Variants in ERCC8 observed in about 807,000 individuals in gnomAD.
The protein encoded by ERCC8 is ERCC excision repair 8, CSA ubiquitin ligase complex subunit.
ERCC8 carries 52 observed loss-of-function variants against 54.9 expected under a neutral mutation model. The observed-to-expected ratio is 0.95, with a 90% confidence interval of 0.76 to 1.19. The LOEUF (loss-of-function observed/expected upper bound fraction) is 1.19, where lower values mean the gene tolerates loss of function less well. Among genes scored for constraint, ERCC8 ranks in the 50% most tolerant of loss-of-function variants. The pLI, the probability that ERCC8 is intolerant of heterozygous loss-of-function variation, is 0.00. For synonymous variants in ERCC8, 146 were observed against 157.2 expected (o/e 0.93, Z 0.53); for missense variants, 514 against 466.1 (o/e 1.10, Z -0.95).
At chr5:60,941,016 T>C (rs1041452877) in intron 1 of ERCC8, among the ~76,000 whole-genome samples, 2 of 152,152 alleles carry the variant, frequency 1.3e-5, no homozygotes, top group South Asian at 4.1e-4. Context: ...CATTGTAAAA[T>C]GCTTGAACTT....
intron 4 of ERCC8, among the ~76,000 whole-genome samples, chr5:60,906,739 A>AAATG (rs1279350570): frequency 2.7e-5 from 4 of 150,030 alleles, no homozygotes; most frequent in Admixed American, 6.6e-5. Context: ...AAAAATAAAT[A>AAATG]AATAAATAAA....
chr5:60,930,656 G>A (rs1314749479), intron 1 of ERCC8, among the ~76,000 whole-genome samples: 1 of 152,176 alleles, frequency 6.6e-6, no homozygotes, highest in African/African-American at 2.4e-5. Flanking sequence ...AACCCAGGAG[G>A]CAGAGGTTGC....
At chr5:60,913,835 T>A (rs1311890195) in intron 4 of ERCC8, among the ~76,000 whole-genome samples, 1 of 152,158 alleles carries the variant, frequency 6.6e-6, no homozygotes, top group Non-Finnish European at 1.5e-5. Flanking sequence ...TATTTCTGCC[T>A]TCATTTCGTT....
chr5:60,902,052 G>A (rs376931655), intron 7 of ERCC8, among the ~76,000 whole-genome samples: 4 of 152,024 alleles, frequency 2.6e-5, no homozygotes, highest in African/African-American at 9.7e-5. Flanking sequence ...TGCTTGGCAC[G>A]TGGGAGGAAG....
intron 9 of ERCC8, chr5:60,892,905 A>C: frequency 1.4e-6 from 1 of 733,646 alleles, no homozygotes; most frequent in South Asian, 1.5e-5. Flanking sequence ...TACAATGTCC[A>C]TATGGATGTG....
intron 8 of ERCC8, among the ~76,000 whole-genome samples, 156 bp from the exon 9 acceptor site, chr5:60,898,556 G>GCTATACAAATCA (rs1217426118): frequency 6.6e-6 from 1 of 151,222 alleles, no homozygotes; most frequent in Non-Finnish European, 1.5e-5. Flanking sequence ...TATTTGAATA[G>GCTATACAAATCA]GATAAGCTAT....
chr5:60,918,607 G>C (rs1251582945), intron 3 of ERCC8: 1 of 533,360 alleles, frequency 1.9e-6, no homozygotes, highest in Non-Finnish European at 3.4e-6. Context: ...TCCTACTAAG[G>C]GTCACAATGT....
intron 4 of ERCC8, among the ~76,000 whole-genome samples, chr5:60,908,583 AT>A (rs3031040): frequency 2.1e-4 from 30 of 141,876 alleles, no homozygotes; most frequent in African/African-American, 5.1e-4. Context: ...ATATATATAT[AT>A]TTTTTTTTTA....
intron 1 of ERCC8, among the ~76,000 whole-genome samples, chr5:60,944,727 A>ACT (rs1750379877): frequency 9.6e-6 from 1 of 104,536 alleles, no homozygotes; most frequent in African/African-American, 3.8e-5. Flanking sequence ...CCCCCGGGGA[A>ACT]CCCCCCCCAC....
intron 8 of ERCC8, 107 bp downstream of exon 8, chr5:60,899,520 T>C (rs1580002500): frequency 2.5e-6 from 2 of 788,642 alleles, no homozygotes; most frequent in Non-Finnish European, 4.4e-6. Context: ...TGAAAAATCA[T>C]AAAGTTTGCA....
At chr5:60,939,237 A>G (rs1489305961) in intron 1 of ERCC8, among the ~76,000 whole-genome samples, 1 of 152,192 alleles carries the variant, frequency 6.6e-6, no homozygotes, top group Non-Finnish European at 1.5e-5. Context: ...ATATATTTCC[A>G]GCTTGTTTAT....
At chr5:60,911,427 CT>C (rs1472476727) in intron 4 of ERCC8, among the ~76,000 whole-genome samples, 1 of 150,382 alleles carries the variant, frequency 6.6e-6, no homozygotes, top group African/African-American at 2.4e-5. Context: ...GCTTTGCCTA[CT>C]TTTTGATGGG....
At position 60,904,634 on chromosome 5, in the gene ERCC8, G is replaced by A. The variant is rs11950337; in HGVS notation, c.481+158C>T. 0.1 allele frequency among the ~76,000 whole-genome samples: 4,918 copies of A among 47,620 alleles called. 301 individuals are homozygous for A. The highest frequency in any genetic ancestry group is 0.17 in the East Asian group (109 of 652). The allele number at this position is 47,620 out of a possible 152,430, so 31.2% of individuals were successfully genotyped here. A position where few individuals can be genotyped will look rare whatever the true frequency, so the allele number is the denominator to read the frequency against. ...TTGAATATATATAGTGTGTGTGTGT[G>A]TATATATATATATATATATATATAT... On this transcript the variant is annotated intron_variant, in intron 5 of 11. Coordinates refer to ENST00000676185, the MANE Select transcript of ERCC8 (RefSeq NM_000082.4).
At chr5:60,878,641 T>G (rs1748096463) in intron 11 of ERCC8, among the ~76,000 whole-genome samples, 1 of 152,206 alleles carries the variant, frequency 6.6e-6, no homozygotes, top group South Asian at 2.1e-4. Context: ...TCTTCTAGAT[T>G]TTCTAGTTTA....
chr5:60,943,675 T>C (rs1267624478), intron 1 of ERCC8, among the ~76,000 whole-genome samples: 1 of 152,122 alleles, frequency 6.6e-6, no homozygotes, highest in Admixed American at 6.5e-5. Flanking sequence ...GAAGTGAAAC[T>C]TGCATTAAAC....
chr5:60,891,105 A>G lies in ERCC8; in HGVS notation c.844-19T>C, dbSNP rs780224304. The G allele has an allele frequency of 1.4e-6, 2 of 1,476,498 alleles. No individual in the cohort carries two copies. Among genetic ancestry groups the G allele is most frequent in the Non-Finnish European group, 1.9e-6 (2 of 1,060,656 alleles). 91.5% of individuals were successfully genotyped at this position (1,476,498 alleles called of 1,614,324 possible). The stretch of plus-strand genomic sequence containing the variant: ...AGTTCACCTGTAGGATTAAAATAAT[A>G]AGGTTACTCATCTCTGAAATCTGAA... On this transcript the variant is annotated intron_variant, in intron 9 of 11. Transcript: ENST00000676185.
chr5:60,880,232 T>A (rs1748165189), intron 11 of ERCC8, among the ~76,000 whole-genome samples: 1 of 152,344 alleles, frequency 6.6e-6, no homozygotes, highest in African/African-American at 2.4e-5. Flanking sequence ...TGCCAAGAGA[T>A]CTGCTGTTAG....
Position 60,890,929 on chromosome 5 carries a change from T to C in ERCC8, c.1001A>G (p.Tyr334Cys), listed in dbSNP as rs958033034. Residue 334 changes from tyrosine (Y) to cysteine (C), a missense_variant, in exon 10 of 12, where the codon TAT (tyrosine) becomes TGT (cysteine). Transcript: ENST00000676185. ...AAATACACAGCAGTCAACAGTTTTA[T>C]AATGTCCCTTAAGCATAGTTATCTG... Reference protein sequence around the residue: ...GEQITMLKGHYKTVDCCVFQS... With the variant: ...GEQITMLKGHCKTVDCCVFQS... 2 of 1,613,538 alleles carry C rather than the reference T, an allele frequency of 1.2e-6. No individual in the cohort carries two copies. The highest frequency in any genetic ancestry group is 2.2e-5 in the South Asian group (2 of 91,072).
At chr5:60,898,238 T>A (rs1164483890) in intron 9 of ERCC8, 38 bp downstream of exon 9, 1 of 1,598,716 alleles carries the variant, frequency 6.3e-7, no homozygotes, top group Non-Finnish European at 8.6e-7. Context: ...GATCCATTTC[T>A]TAATTTATAC....
Sources: gnomAD v4.1 joint callset for allele counts (sites outside exome capture counted in the v4.1 genomes callset) on GRCh38, gnomAD v4.1.1 for gene constraint, MANE v1.5 for transcripts, NCBI Gene and HGNC (gene_info 2026-07-23, HGNC 2026-07-21) for gene names.